Variants in CACNA1H observed in about 807,000 individuals in gnomAD.
CACNA1H encodes calcium voltage-gated channel subunit alpha1 H.
In CACNA1H, 149 loss-of-function variants were observed where a neutral mutation model predicts 192.5. That is an observed-to-expected ratio of 0.77 (90% CI 0.68 to 0.89). The LOEUF (loss-of-function observed/expected upper bound fraction) is 0.89. Ranked by LOEUF, CACNA1H falls within the 40% of genes least tolerant of loss-of-function variation. The probability of loss-of-function intolerance (pLI) is 0.00; values close to 1 mark genes in which losing one functional copy is unlikely to be tolerated. For synonymous variants in CACNA1H, 2,202 were observed against 1,475.2 expected (o/e 1.49, Z -11.29); for missense variants, 4,257 against 3,423.5 (o/e 1.24, Z -6.08).
chr16:1,217,876 C>T (rs374784577), intron 31 of CACNA1H, 43 bp from the exon 32 acceptor site: 39 of 1,555,264 alleles, frequency 2.5e-5, no homozygotes, highest in Middle Eastern at 3.4e-4. Flanking sequence ...CGCCTCCACC[C>T]GGAGCGGGCT....
At chr16:1,212,858 C>G (rs117183170) in intron 26 of CACNA1H, among the ~76,000 whole-genome samples, 6,877 of 152,340 alleles carry the variant, frequency 0.045, 217 homozygotes, top group Middle Eastern at 0.075. Context: ...CGGGCCCTCT[C>G]CGGCTGCCCG....
Position 1,211,919 on chromosome 16 carries a change from C to T in CACNA1H, c.4567-27C>T, listed in dbSNP as rs772051946. ...TAGGGCCCCTGGCGGGGCAGGCGGGCGGGGACCCACCGCCTCTGTGCCACA... is the reference window on the plus strand; with the variant it reads ...TAGGGCCCCTGGCGGGGCAGGCGGGTGGGGACCCACCGCCTCTGTGCCACA... On this transcript the variant is annotated intron_variant, in intron 24 of 34. Coordinates refer to ENST00000348261, the MANE Select transcript of CACNA1H (RefSeq NM_021098.3). 1.9e-6 allele frequency: 3 copies of T among 1,610,332 alleles called. No homozygotes were observed. The highest frequency in any genetic ancestry group is 2.2e-5 in the East Asian group (1 of 44,858).
chr16:1,208,369 G>C (rs986817307), intron 16 of CACNA1H, 148 bp downstream of exon 16: 2 of 685,672 alleles, frequency 2.9e-6, no homozygotes, highest in African/African-American at 1.8e-5. Context: ...GAGTGTTCTG[G>C]TTTCCGGAAA....
At chr16:1,197,995 C>T (rs975897350) in intron 5 of CACNA1H, among the ~76,000 whole-genome samples, 1 of 152,176 alleles carries the variant, frequency 6.6e-6, no homozygotes, top group Non-Finnish European at 1.5e-5. Context: ...GCTGCCGGTC[C>T]TCCCCACCGC....
Position 1,210,021 on chromosome 16 carries a change from G to T in CACNA1H, c.3745-14G>T, listed in dbSNP as rs8056494. On this transcript the variant is annotated splice_polypyrimidine_tract_variant and intron_variant, in intron 17 of 34. Transcript: ENST00000348261. ...CAGGCGCAGGCTCTGAGAAGCCGCCGCCTCATCCCACAGAGCTGCTGCCTC... is the reference window on the plus strand; with the variant it reads ...CAGGCGCAGGCTCTGAGAAGCCGCCTCCTCATCCCACAGAGCTGCTGCCTC... 0.82 allele frequency: 1,274,063 copies of T among 1,544,860 alleles called. 527,552 individuals are homozygous for T. The highest frequency in any genetic ancestry group is 1 in the East Asian group (40,868 of 40,902).
At chr16:1,207,942 C>T (rs1322640054) in intron 15 of CACNA1H, 71 bp from the exon 16 acceptor site, 7 of 1,542,616 alleles carry the variant, frequency 4.5e-6, no homozygotes, top group Non-Finnish European at 6.2e-6. Context: ...TAAGGCAATC[C>T]CTAGGTTGGG....
At chr16:1,199,994 T>A (rs190867891) in intron 6 of CACNA1H, among the ~76,000 whole-genome samples, 2 of 152,298 alleles carry the variant, frequency 1.3e-5, no homozygotes. Context: ...TCTGTGGACT[T>A]GGGCTGAGGA....
chr16:1,208,232 T>A lies in CACNA1H; in HGVS notation c.3363+11T>A. Reference sequence around the variant, plus strand: ...GACCAGAAGCCTCCGGTAGGGACCATCTCCTGCCCCAGCTCTCAGGCCCCT... The same window carrying A: ...GACCAGAAGCCTCCGGTAGGGACCAACTCCTGCCCCAGCTCTCAGGCCCCT... On this transcript the variant is annotated intron_variant, in intron 16 of 34. Coordinates refer to ENST00000348261, the MANE Select transcript of CACNA1H (RefSeq NM_021098.3). 1 of 1,543,724 alleles carries A rather than the reference T, an allele frequency of 6.5e-7. No individual in the cohort carries two copies. Among genetic ancestry groups the A allele is most frequent in the Non-Finnish European group, 8.7e-7 (1 of 1,145,082 alleles).
rs531261893 is a variant in CACNA1H at position 1,176,862 on chromosome 16, G to A, written c.300-18110G>A. Among the ~76,000 whole-genome samples, 12 of 152,288 alleles carry A rather than the reference G, an allele frequency of 7.9e-5. 1 individual carries two copies. The South Asian group carries it at 2.5e-3, about 32-fold the overall frequency. ...TCTCTTCACCCCAGGGGACGGGGAGGGGGTCCTAAGGATGATGTGGCTTTC... is the reference window on the plus strand; with the variant it reads ...TCTCTTCACCCCAGGGGACGGGGAGAGGGTCCTAAGGATGATGTGGCTTTC... On this transcript the variant is annotated intron_variant, in intron 2 of 34. Coordinates refer to ENST00000348261, the MANE Select transcript of CACNA1H (RefSeq NM_021098.3).
chr16:1,196,218 A>T (rs971518205), intron 5 of CACNA1H, among the ~76,000 whole-genome samples, 195 bp downstream of exon 5: 2 of 152,236 alleles, frequency 1.3e-5, no homozygotes, highest in Non-Finnish European at 2.9e-5. Flanking sequence ...GGGGAGAATC[A>T]AGCTGCGGTG....
Position 1,220,307 on chromosome 16 carries a change from G to A in CACNA1H, c.6375G>A (p.Val2125=). Residue 2125 remains valine (V), a synonymous_variant, in exon 35 of 35, where the codon GTG becomes GTA. Coordinates refer to ENST00000348261, the MANE Select transcript of CACNA1H (RefSeq NM_021098.3). ...CCCATGGCCCCGAAGCCTCTCCGGT[G>A]GCCGGCGGCGAGCGGGACCTGCGCA... ...AEPHGPEASP[V]AGGERDLRRL... is the part of the protein sequence containing the mutation. 1 of 1,563,810 alleles carries A rather than the reference G, an allele frequency of 6.4e-7. No homozygotes were observed. Among genetic ancestry groups the A allele is most frequent in the East Asian group, 2.4e-5 (1 of 42,342 alleles).
chr16:1,160,928 G>A (rs1216292339), intron 2 of CACNA1H, among the ~76,000 whole-genome samples: 7 of 152,090 alleles, frequency 4.6e-5, no homozygotes, highest in East Asian at 1.9e-4. Context: ...AGCCCAGTGC[G>A]GCCCCCCCCC....
At chr16:1,184,159 G>C (rs1214131235) in intron 2 of CACNA1H, among the ~76,000 whole-genome samples, 2 of 152,240 alleles carry the variant, frequency 1.3e-5, no homozygotes, top group African/African-American at 4.8e-5. Flanking sequence ...CCCACAGGGG[G>C]CTTCCGGTGC....
In CACNA1H at chr16:1,218,665, C is replaced by A; in HGVS notation, c.5887+14C>A. On this transcript the variant is annotated intron_variant, in intron 33 of 34. Coordinates refer to ENST00000348261, the MANE Select transcript of CACNA1H (RefSeq NM_021098.3). Reference sequence around the variant, plus strand: ...GCACCCCCTTGGGTATGGTAGCCAGCAGGAAGATATGGGCTGGGTGGGAAG... The same window carrying A: ...GCACCCCCTTGGGTATGGTAGCCAGAAGGAAGATATGGGCTGGGTGGGAAG... 6.6e-7 allele frequency: 1 copy of A among 1,517,768 alleles called. No individual in the cohort carries two copies. 94.0% of individuals were successfully genotyped at this position (1,517,768 alleles called of 1,614,324 possible).
intron 2 of CACNA1H, 42 bp from the exon 3 acceptor site, chr16:1,194,930 G>T (rs1243298807): frequency 6.8e-7 from 1 of 1,472,186 alleles, no homozygotes. Flanking sequence ...ATGGGAGCGG[G>T]TCCCGGGCCG....
At chr16:1,160,764 G>T (rs1253102282) in intron 2 of CACNA1H, among the ~76,000 whole-genome samples, 1 of 152,164 alleles carries the variant, frequency 6.6e-6, no homozygotes, top group African/African-American at 2.4e-5. Context: ...TCCTCTTGCT[G>T]CCGCCCGGTC....
At chr16:1,206,848 C>T (rs1038785345) in intron 12 of CACNA1H, 153 bp from the exon 13 acceptor site, 21 of 580,486 alleles carry the variant, frequency 3.6e-5, no homozygotes, top group Middle Eastern at 9.3e-4. Context: ...CTAGAGAGCT[C>T]GGGCGCCCAG....
At chr16:1,175,081 C>G (rs1026922372) in intron 2 of CACNA1H, among the ~76,000 whole-genome samples, 2 of 152,160 alleles carry the variant, frequency 1.3e-5, no homozygotes, top group African/African-American at 4.8e-5. Flanking sequence ...AGGTCAACTT[C>G]CACAGGCCCG....
At chr16:1,179,823 C>T (rs1380334330) in intron 2 of CACNA1H, among the ~76,000 whole-genome samples, 2 of 150,768 alleles carry the variant, frequency 1.3e-5, no homozygotes, top group African/African-American at 2.5e-5. Context: ...CAACCTCTGC[C>T]TCACGTGTTC....
Sources: allele counts gnomAD v4.1 joint callset (sites outside exome capture counted in the v4.1 genomes callset), GRCh38; gene constraint gnomAD v4.1.1; transcripts MANE v1.5; gene names NCBI Gene and HGNC (gene_info 2026-07-23, HGNC 2026-07-21).